COG4: variants seen among roughly 807,000 people sequenced by gnomAD.
COG4 encodes conserved oligomeric Golgi complex subunit 4.
Under a neutral mutation model 95.1 loss-of-function variants are expected in COG4, and 65 were observed. The ratio of observed to expected loss-of-function variants is 0.68; its 90% CI spans 0.56 to 0.84. The LOEUF (loss-of-function observed/expected upper bound fraction) is 0.84. COG4 is among the 40% of genes least tolerant of loss of function. COG4 has a pLI of 0.00. For synonymous variants in COG4, 421 were observed against 374.8 expected (o/e 1.12, Z -1.42); for missense variants, 1,045 against 989.1 (o/e 1.06, Z -0.76).
intron 5 of COG4, among the ~76,000 whole-genome samples, chr16:70,510,944 T>C (rs935024017): frequency 1.1e-4 from 16 of 152,106 alleles, no homozygotes; most frequent in African/African-American, 3.6e-4. Context: ...TTGTATTTTT[T>C]AGTAGACACA....
intron 8 of COG4, among the ~76,000 whole-genome samples, chr16:70,504,137 C>T (rs955610824): frequency 5.9e-5 from 9 of 152,168 alleles, no homozygotes; most frequent in Non-Finnish European, 1.0e-4. Flanking sequence ...CAGTTTCTTC[C>T]TCTGGAAAGT....
chr16:70,482,606 G>T (rs1232156360), intron 15 of COG4, 123 bp downstream of exon 15: 2 of 778,382 alleles, frequency 2.6e-6, no homozygotes, highest in Non-Finnish European at 4.5e-6. Flanking sequence ...CATGGGTCAG[G>T]GTGGGGGAAG....
At chr16:70,493,612 A>G (rs2151746999) in intron 12 of COG4, among the ~76,000 whole-genome samples, 2 of 152,318 alleles carry the variant, frequency 1.3e-5, no homozygotes, top group African/African-American at 2.4e-5. Context: ...CCAAAAAGGT[A>G]TTTGAGAAAT....
At chr16:70,516,872 T>C (rs771790489) in intron 3 of COG4, among the ~76,000 whole-genome samples, 1 of 152,202 alleles carries the variant, frequency 6.6e-6, no homozygotes, top group Admixed American at 6.6e-5. Context: ...TAAGCGATCC[T>C]CCTGCCTTAG....
chr16:70,481,036 C>T lies in COG4; in HGVS notation c.2344G>A (p.Glu782Lys), dbSNP rs776332724. The change falls in exon 19 of 19, where the codon GAA becomes AAA. Residue 782 changes from glutamate to lysine, a missense_variant. Glu to Lys is a moderately conservative substitution (Grantham distance 56, BLOSUM62 1). Transcript: ENST00000323786. Reference sequence around the variant, plus strand: ...TACAGGCGCAGCCTCTTGATATCTTCACTGCGGAAGTCTATCCGCAGGGCC... The same window carrying T: ...TACAGGCGCAGCCTCTTGATATCTTTACTGCGGAAGTCTATCCGCAGGGCC... Reference protein sequence around the residue: ...VLALRIDFRSEDIKRLRL With the variant: ...VLALRIDFRSKDIKRLRL 1 of 1,613,116 alleles carries T rather than the reference C, an allele frequency of 6.2e-7. No individual in the cohort carries two copies. Among genetic ancestry groups the T allele is most frequent in the Non-Finnish European group, 8.5e-7 (1 of 1,180,032 alleles).
chr16:70,508,189 G>A (rs560682263), intron 8 of COG4, among the ~76,000 whole-genome samples: 17 of 152,134 alleles, frequency 1.1e-4, no homozygotes, highest in Non-Finnish European at 1.8e-4. Context: ...AAAGTGCTGG[G>A]ATTACAGGTG....
chr16:70,520,839 T>C (rs1355618265), intron 1 of COG4, among the ~76,000 whole-genome samples: 1 of 152,184 alleles, frequency 6.6e-6, no homozygotes, highest in East Asian at 1.9e-4. Flanking sequence ...TTTTTTCATC[T>C]GTAAAACTAG....
rs1395845122 is a variant in COG4 at position 70,481,023 on chromosome 16, C to G, written c.2357G>C (p.Arg786Thr). Residue 786 changes from arginine (R) to threonine (T), a missense_variant, in exon 19 of 19, where the codon AGG (arginine) becomes ACG (threonine). Coordinates refer to ENST00000323786, the MANE Select transcript of COG4 (RefSeq NM_015386.3). ...RIDFRSEDIKRLRL is the reference protein window; with the variant it reads ...RIDFRSEDIKTLRL ...TCATCCAGGCAGCTACAGGCGCAGCCTCTTGATATCTTCACTGCGGAAGTC... is the reference window on the plus strand; with the variant it reads ...TCATCCAGGCAGCTACAGGCGCAGCGTCTTGATATCTTCACTGCGGAAGTC... The G allele has an allele frequency of 6.2e-7, 1 of 1,612,852 alleles. No homozygotes were observed. The highest frequency in any genetic ancestry group is 1.7e-5 in the Admixed American group (1 of 60,022).
At chr16:70,504,908 CA>C (rs59742070) in intron 8 of COG4, among the ~76,000 whole-genome samples, 51,815 of 108,854 alleles carry the variant, frequency 0.48, 9,078 homozygotes, top group South Asian at 0.62. Flanking sequence ...AAGACTGTCT[CA>C]AAAAAAAAAA....
intron 13 of COG4, among the ~76,000 whole-genome samples, chr16:70,485,045 G>A (rs1167732240): frequency 6.6e-6 from 1 of 152,108 alleles, no homozygotes; most frequent in Non-Finnish European, 1.5e-5. Flanking sequence ...CTGAGGCACA[G>A]AAGTTAATAA....
At chr16:70,502,192 G>C (rs1198013395) in intron 8 of COG4, among the ~76,000 whole-genome samples, 1 of 138,716 alleles carries the variant, frequency 7.2e-6, no homozygotes, top group East Asian at 2.3e-4. Flanking sequence ...CAAGGCAGGA[G>C]AATCGCTTGA....
chr16:70,499,072 A>G (rs2049396880), intron 9 of COG4, among the ~76,000 whole-genome samples: 1 of 152,224 alleles, frequency 6.6e-6, no homozygotes, highest in African/African-American at 2.4e-5. Context: ...ACAAACAACA[A>G]GAAAAGAGAA....
intron 12 of COG4, among the ~76,000 whole-genome samples, chr16:70,492,458 G>C (rs561285006): frequency 6.6e-6 from 1 of 151,516 alleles, no homozygotes; most frequent in Non-Finnish European, 1.5e-5. Flanking sequence ...TGGGAGTTCG[G>C]GACTAGCCTG....
At chr16:70,495,913 G>C (rs1410009094) in intron 12 of COG4, among the ~76,000 whole-genome samples, 1 of 152,366 alleles carries the variant, frequency 6.6e-6, no homozygotes, top group Non-Finnish European at 1.5e-5. Context: ...TCTCCTCAGA[G>C]AAGCAGTCTG....
At chr16:70,490,627 T>G (rs2049224640) in intron 12 of COG4, among the ~76,000 whole-genome samples, 1 of 152,168 alleles carries the variant, frequency 6.6e-6, no homozygotes, top group African/African-American at 2.4e-5. Context: ...ACAGGGAGCC[T>G]AAAGCTATCA....
intron 15 of COG4, 188 bp from the exon 16 acceptor site, chr16:70,482,363 T>G (rs1366362312): frequency 3.0e-6 from 2 of 667,254 alleles, no homozygotes; most frequent in African/African-American, 3.6e-5. Context: ...AGCCCAGGGC[T>G]GTAGCAGTGG....
At chr16:70,499,097 G>A (rs1216052863) in intron 9 of COG4, among the ~76,000 whole-genome samples, 1 of 152,030 alleles carries the variant, frequency 6.6e-6, no homozygotes, top group East Asian at 1.9e-4. Context: ...TTCCGTATCT[G>A]TTATCTGATA....
chr16:70,521,344 A>G (rs547012374), intron 1 of COG4, among the ~76,000 whole-genome samples: 18 of 151,738 alleles, frequency 1.2e-4, no homozygotes, highest in Admixed American at 3.3e-4. Flanking sequence ...CTGCCTCCCA[A>G]TTAGCTGGGA....
chr16:70,486,943 C>T lies in COG4; in HGVS notation c.1711-2974G>A, dbSNP rs142572200. On this transcript the variant is annotated intron_variant, in intron 13 of 18. Transcript: ENST00000323786. Reference sequence around the variant, plus strand: ...CCGGGAGGTGGAGGTTGCAGTAAGCCGAGACTGCGCCACTGCACTCCAGCC... The same window carrying T: ...CCGGGAGGTGGAGGTTGCAGTAAGCTGAGACTGCGCCACTGCACTCCAGCC... 3.5e-3 allele frequency among the ~76,000 whole-genome samples: 518 copies of T among 149,944 alleles called. 6 individuals are homozygous for T. Among genetic ancestry groups the T allele is most frequent in the African/African-American group, 0.012 (481 of 40,738 alleles).
Sources: gnomAD v4.1 joint callset for allele counts (sites outside exome capture counted in the v4.1 genomes callset) on GRCh38, gnomAD v4.1.1 for gene constraint, MANE v1.5 for transcripts, NCBI Gene and HGNC (gene_info 2026-07-23, HGNC 2026-07-21) for gene names.